The following WDR37 variants were observed in gnomAD, a reference collection of about 807,000 sequenced individuals.
WDR37 encodes WD repeat-containing protein 37.
In WDR37, 19 loss-of-function variants were observed where a neutral mutation model predicts 62.9. That is an observed-to-expected ratio of 0.30 (90% CI 0.21 to 0.44). The LOEUF (loss-of-function observed/expected upper bound fraction) is 0.44, where lower values mean the gene tolerates loss of function less well. Ranked by LOEUF, WDR37 falls within the 20% of genes least tolerant of loss-of-function variation. WDR37 has a pLI of 1.00. For missense variants in WDR37, 474 were observed against 657.6 expected (o/e 0.72, Z 3.05); for synonymous variants, 250 against 260.9 (o/e 0.96, Z 0.40).
rs1491455688 is a variant in WDR37 at position 1,108,738 on chromosome 10, T to TCCCCCCCCCC, written c.1103+3471_1103+3472insCCCCCCCCCC. 2.0e-4 allele frequency among the ~76,000 whole-genome samples: 12 copies of TCCCCCCCCCC among 59,724 alleles called. 3 individuals carry two copies. Among genetic ancestry groups the TCCCCCCCCCC allele is most frequent in the South Asian group, 1.3e-3 (2 of 1,534 alleles). 39.2% of individuals were successfully genotyped at this position (59,724 alleles called of 152,430 possible). On this transcript the variant is annotated intron_variant, in intron 11 of 13. Coordinates refer to ENST00000263150, the MANE Select transcript of WDR37 (RefSeq NM_014023.4). The stretch of plus-strand genomic sequence containing the variant: ...GTTGCTTTGGTTTTGGCTTCTGTGA[T>TCCCCCCCCCC]GCCCCCCCCCCCCGTGGAACCTGCA...
intron 5 of WDR37, among the ~76,000 whole-genome samples, chr10:1,082,063 GC>G (rs1253597147): frequency 6.6e-6 from 1 of 152,132 alleles, no homozygotes. Context: ...GATCTTTATA[GC>G]CTTTGCACAC....
intron 7 of WDR37, among the ~76,000 whole-genome samples, chr10:1,089,728 T>C (rs7071817): frequency 0.87 from 129,783 of 148,900 alleles, 55,440 homozygotes; most frequent in African/African-American, 0.89. Context: ...TCAACCTTCC[T>C]GTGTTCACTC....
chr10:1,102,660 G>A (rs970077514), intron 9 of WDR37, among the ~76,000 whole-genome samples: 1 of 152,178 alleles, frequency 6.6e-6, no homozygotes, highest in Non-Finnish European at 1.5e-5. Flanking sequence ...TCAGCATCAG[G>A]CTATGAGGAA....
chr10:1,074,494 C>T lies in WDR37; in HGVS notation c.138+2201C>T, dbSNP rs760055398. On this transcript the variant is annotated intron_variant, in intron 2 of 13. Coordinates refer to ENST00000263150, the MANE Select transcript of WDR37 (RefSeq NM_014023.4). The stretch of plus-strand genomic sequence containing the variant: ...AATGAGCAGTGATTCGGAGTGGGAC[C>T]GGTCAGCATGTTCTGTAAGTGGCCC... 100 of 1,304,346 alleles carry T rather than the reference C, an allele frequency of 7.7e-5. 1 individual carries two copies. In the African/African-American group the frequency reaches 7.9e-4, roughly 10 times the overall value. 80.8% of individuals were successfully genotyped at this position (1,304,346 alleles called of 1,614,324 possible).
chr10:1,102,283 G>C (rs573567248), intron 9 of WDR37, among the ~76,000 whole-genome samples: 1 of 145,436 alleles, frequency 6.9e-6, no homozygotes, highest in South Asian at 2.2e-4. Context: ...CCGTGCCGCT[G>C]TGCGTCCCTG....
At position 1,121,004 on chromosome 10, in the gene WDR37, G is replaced by T. The variant is rs558142731; in HGVS notation, c.1104-3214G>T. ...GCTGCACTGTCAGCTGGAGGAGCAC[G>T]CTCGGCTGCCCCACACGACAAGATA... On this transcript the variant is annotated intron_variant, in intron 11 of 13. Transcript: ENST00000263150. The surrounding 1 kb of genome is among the most constrained non-coding windows in gnomAD (Gnocchi z 4.5). Among the ~76,000 whole-genome samples, 1 of 152,284 alleles carries T rather than the reference G, an allele frequency of 6.6e-6. No individual in the cohort carries two copies. The highest frequency in any genetic ancestry group is 1.5e-5 in the Non-Finnish European group (1 of 68,022).
In WDR37 at chr10:1,084,322, G is replaced by A. The variant is rs553997115; in HGVS notation, c.397-81G>A. The A allele has an allele frequency of 6.5e-5, 99 of 1,532,640 alleles. 1 individual carries two copies. In the East Asian group the frequency reaches 1.6e-3, roughly 25 times the overall value. 94.9% of individuals were successfully genotyped at this position (1,532,640 alleles called of 1,614,324 possible). A position where few individuals can be genotyped will look rare whatever the true frequency, so the allele number is the denominator to read the frequency against. On this transcript the variant is annotated intron_variant, in intron 5 of 13. Transcript: ENST00000263150. ...CAGTGATTTGTGCATTTTCCAAGAC[G>A]TCTTTTTCGTTTTCTCTTTCTTGAC...
At chr10:1,092,872 C>CAAAAAAAAAAAAAAAAAAAA (rs56220560) in intron 7 of WDR37, among the ~76,000 whole-genome samples, 42 of 41,976 alleles carry the variant, frequency 1.0e-3, no homozygotes, top group East Asian at 1.9e-3. Flanking sequence ...CCCTATCTCA[C>CAAAAAAAAAAAAAAAAAAAA]AAAAAAAAAA....
Position 1,132,063 on chromosome 10 carries a change from T to G in WDR37, c.*2719T>G, listed in dbSNP as rs1246506749. 6.5e-6 allele frequency: 1 copy of G among 152,692 alleles called. No homozygotes were observed. Among genetic ancestry groups the G allele is most frequent in the Non-Finnish European group, 1.5e-5 (1 of 68,040 alleles). 9.5% of individuals were successfully genotyped at this position (152,692 alleles called of 1,614,324 possible). ...AATGTATGCATTTATAAGTGTTCCA[T>G]GGAATCAGTTTTTATTGTATCGATA... On this transcript the variant is annotated 3_prime_UTR_variant, in exon 14 of 14. Transcript: ENST00000263150.
At chr10:1,122,510 G>T (rs1459224254) in intron 11 of WDR37, among the ~76,000 whole-genome samples, 1 of 152,226 alleles carries the variant, frequency 6.6e-6, no homozygotes, top group Admixed American at 6.5e-5. Context: ...ATGCCCAGCT[G>T]CATGGCGAGC....
At chr10:1,108,769 C>T (rs1017234406) in intron 11 of WDR37, among the ~76,000 whole-genome samples, 2 of 140,520 alleles carry the variant, frequency 1.4e-5, no homozygotes, top group African/African-American at 5.1e-5. Flanking sequence ...CTGCAGGGCC[C>T]TGAGTGCCAC....
chr10:1,067,183 C>T lies in WDR37; in HGVS notation c.-40-4933C>T, dbSNP rs7920161. On this transcript the variant is annotated intron_variant, in intron 1 of 13. Transcript: ENST00000263150. ...TTTTTGACAAAAGTCCAAAGCAGTT[C>T]AATCTAGGATGGATCATCTTCAACA... 2.3e-3 allele frequency among the ~76,000 whole-genome samples: 351 copies of T among 152,212 alleles called. 2 individuals carry two copies. The highest frequency in any genetic ancestry group is 7.6e-3 in the African/African-American group (314 of 41,520).
chr10:1,074,611 A>AGGT, intron 2 of WDR37: 2 of 1,043,618 alleles, frequency 1.9e-6, no homozygotes, highest in Non-Finnish European at 2.6e-6. Context: ...TGGGCGGGAG[A>AGGT]GAGCTGTGGT....
chr10:1,068,203 C>G (rs979780094), intron 1 of WDR37, among the ~76,000 whole-genome samples: 2 of 151,954 alleles, frequency 1.3e-5, no homozygotes, highest in Admixed American at 1.3e-4. Flanking sequence ...TATCTTAGGC[C>G]GGGCGCGGTG....
rs1835585402 is a variant in WDR37 at position 1,121,682 on chromosome 10, T to G, written c.1104-2536T>G. ...CTGGGGAGGGGTCTGCTCTAGTTTC[T>G]AATGTGCCTGGGCAGGGCGGCTGCT... On this transcript the variant is annotated intron_variant, in intron 11 of 13. Coordinates refer to ENST00000263150, the MANE Select transcript of WDR37 (RefSeq NM_014023.4). This position sits in a 1 kb window ranked among gnomAD's most constrained non-coding sequence, Gnocchi z 4.5. Among the ~76,000 whole-genome samples the G allele has an allele frequency of 6.6e-6, 1 of 152,188 alleles. No individual in the cohort carries two copies. Among genetic ancestry groups the G allele is most frequent in the South Asian group, 2.1e-4 (1 of 4,828 alleles).
In WDR37 at chr10:1,129,208, A is replaced by G. The variant is rs561265826; in HGVS notation, c.1354-5A>G. 1.2e-6 allele frequency: 2 copies of G among 1,613,532 alleles called. No individual in the cohort carries two copies. Among genetic ancestry groups the G allele is most frequent in the South Asian group, 1.1e-5 (1 of 91,018 alleles). On this transcript the variant is annotated splice_polypyrimidine_tract_variant and splice_region_variant and intron_variant, in intron 13 of 13. Transcript: ENST00000263150. ...ACTGATTTTGGTTTGTTTGATCATC[A>G]CTAGGGCCACAGGAGAATGGTATGC...
chr10:1,091,281 A>G (rs374736685), intron 7 of WDR37, among the ~76,000 whole-genome samples: 237 of 152,300 alleles, frequency 1.6e-3, no homozygotes, highest in African/African-American at 4.9e-3. Context: ...GATCTTACCA[A>G]AATTTCTCAT....
At chr10:1,058,090 C>CACGGTATGTAAACACGGTATG (rs11283910) in intron 1 of WDR37, among the ~76,000 whole-genome samples, 87,154 of 151,798 alleles carry the variant, frequency 0.57, 25,577 homozygotes, top group Non-Finnish European at 0.64. Context: ...TAAATATGAA[C>CACGGTATGTAAACACGGTATG]TCACCAATGT....
rs1422494586 is a variant in WDR37, at chr10:1,080,119, C to T, written c.331+13C>T. Reference sequence around the variant, plus strand: ...CTCAAAACAAAAGGTAAGGTGAATCCCATGAAAGTCTTGTCCTGCAGATTA... The same window carrying T: ...CTCAAAACAAAAGGTAAGGTGAATCTCATGAAAGTCTTGTCCTGCAGATTA... On this transcript the variant is annotated intron_variant, in intron 4 of 13. Transcript: ENST00000263150. The T allele has an allele frequency of 6.2e-7, 1 of 1,613,184 alleles. No individual in the cohort carries two copies. The highest frequency in any genetic ancestry group is 8.5e-7 in the Non-Finnish European group (1 of 1,179,394).
Sources: gnomAD v4.1 joint callset for allele counts (sites outside exome capture counted in the v4.1 genomes callset) on GRCh38, gnomAD v4.1.1 for gene constraint, Gnocchi (gnomAD v3.1) non-coding constraint, MANE v1.5 for transcripts, NCBI Gene and HGNC (gene_info 2026-07-23, HGNC 2026-07-21) for gene names.